Variants in CDH23 observed in about 807,000 individuals in gnomAD.
The protein encoded by CDH23 is cadherin related 23, also known as cadherin-23.
A neutral mutation model predicts 317.1 loss-of-function variants in CDH23; 189 were observed. The ratio of observed to expected loss-of-function variants is 0.60; its 90% confidence interval spans 0.53 to 0.67. CDH23 has a LOEUF of 0.67. Among genes scored for constraint, CDH23 ranks in the 30% least tolerant of loss-of-function variants. The pLI is 0.00. For synonymous variants in CDH23, 1,839 were observed against 1,876.8 expected, an observed-to-expected ratio of 0.98 and a Z score of 0.52; for missense variants, 4,401 against 4,592.4, an observed-to-expected ratio of 0.96 and a Z score of 1.20.
intron 38 of CDH23, among the ~76,000 whole-genome samples, chr10:71,775,954 C>T (rs1840808526): frequency 6.6e-6 from 1 of 152,176 alleles, no homozygotes; most frequent in Non-Finnish European, 1.5e-5. Context: ...GGCAAGAATA[C>T]AAGAGCACCA....
intron 48 of CDH23, among the ~76,000 whole-genome samples, chr10:71,794,883 T>G (rs1303937667): frequency 6.6e-6 from 1 of 152,044 alleles, no homozygotes; most frequent in African/African-American, 2.4e-5. Context: ...GATGGTGGAG[T>G]TGGGGCCATG....
intron 6 of CDH23, among the ~76,000 whole-genome samples, chr10:71,532,717 T>A (rs149952740): frequency 4.8e-5 from 2 of 41,420 alleles, no homozygotes; most frequent in Non-Finnish European, 9.2e-5. Flanking sequence ...TTTTGTTTTT[T>A]TTTTTTTTTG....
chr10:71,654,575 C>T (rs932077319), intron 14 of CDH23, among the ~76,000 whole-genome samples: 1 of 152,208 alleles, frequency 6.6e-6, no homozygotes, highest in Non-Finnish European at 1.5e-5. Flanking sequence ...GAGGCCTTCT[C>T]TTTCCTTGGG....
intron 3 of CDH23, among the ~76,000 whole-genome samples, chr10:71,474,526 G>A (rs1851686594): frequency 6.6e-6 from 1 of 152,210 alleles, no homozygotes; most frequent in South Asian, 2.1e-4. Flanking sequence ...GGAATACGGT[G>A]CTCAGAAGGT....
At chr10:71,741,541 G>A (rs1490724629) in intron 37 of CDH23, among the ~76,000 whole-genome samples, 153 bp from the exon 38 acceptor site, 1 of 152,222 alleles carries the variant, frequency 6.6e-6, no homozygotes, top group Non-Finnish European at 1.5e-5. Flanking sequence ...AATGTTCGCT[G>A]CTATCATCCT....
chr10:71,569,382 C>G (rs562787695), intron 7 of CDH23, among the ~76,000 whole-genome samples: 1 of 152,334 alleles, frequency 6.6e-6, no homozygotes, highest in African/African-American at 2.4e-5. Flanking sequence ...TCATTCAAGT[C>G]ACCCCAGACA....
At chr10:71,441,387 C>A (rs536490555) in intron 2 of CDH23, among the ~76,000 whole-genome samples, 2 of 152,262 alleles carry the variant, frequency 1.3e-5, no homozygotes, top group South Asian at 2.1e-4. Context: ...CACCCTCCTC[C>A]CCCATTCTGT....
intron 9 of CDH23, among the ~76,000 whole-genome samples, chr10:71,608,347 A>G (rs1436036177): frequency 6.6e-6 from 1 of 152,218 alleles, no homozygotes; most frequent in Admixed American, 6.5e-5. Flanking sequence ...GTCAGAGGCC[A>G]CAGTGGAGAT....
At chr10:71,799,393 C>T in intron 51 of CDH23, 99 bp from the exon 52 acceptor site, 1 of 1,603,292 alleles carries the variant, frequency 6.2e-7, no homozygotes, top group Non-Finnish European at 8.5e-7. Flanking sequence ...GTGCCCAGCC[C>T]ACGAGCAGCT....
At chr10:71,540,850 G>A (rs955829734) in intron 6 of CDH23, among the ~76,000 whole-genome samples, 1 of 151,894 alleles carries the variant, frequency 6.6e-6, no homozygotes, top group Non-Finnish European at 1.5e-5. Flanking sequence ...CTAAGACCAG[G>A]ACAAGGTCTT....
At chr10:71,740,631 G>C (rs1411838796) in intron 36 of CDH23, among the ~76,000 whole-genome samples, 191 bp from the exon 37 acceptor site, 2 of 152,228 alleles carry the variant, frequency 1.3e-5, no homozygotes, top group Non-Finnish European at 2.9e-5. Context: ...TGGGGCAGAA[G>C]GTGAAGGCTT....
At position 71,574,854 on chromosome 10, in the gene CDH23, C is replaced by G. The variant is rs538272195; in HGVS notation, c.754-3060C>G. 3.3e-5 allele frequency among the ~76,000 whole-genome samples: 5 copies of G among 152,270 alleles called. No individual in the cohort carries two copies. In the South Asian group the frequency reaches 1.0e-3, roughly 32 times the overall value. On this transcript the variant is annotated intron_variant, in intron 8 of 69. Transcript: ENST00000224721. ...CTCATCTTGGCACACGCACTGGGTG[C>G]AGAGCCCTGAGCCCTTGCCTCCTCC... is the stretch of plus-strand genomic sequence containing the variant.
chr10:71,709,220 C>T lies in CDH23; in HGVS notation c.3220+9C>T. On this transcript the variant is annotated intron_variant, in intron 27 of 69. Transcript: ENST00000224721. ...CATCCTGGAGGCCATCGGTATGCAC[C>T]AGTCCCGCACCCACCAACACAGTGA... is the stretch of plus-strand genomic sequence containing the variant. 6.2e-7 allele frequency: 1 copy of T among 1,606,190 alleles called. No individual in the cohort carries two copies. Among genetic ancestry groups the T allele is most frequent in the African/African-American group, 1.3e-5 (1 of 74,926 alleles).
At chr10:71,752,551 G>C (rs1840031340) in intron 38 of CDH23, among the ~76,000 whole-genome samples, 1 of 152,118 alleles carries the variant, frequency 6.6e-6, no homozygotes, top group South Asian at 2.1e-4. Context: ...CACCACTCTG[G>C]GACCCCTCAG....
At chr10:71,408,536 A>C (rs1300423764) in intron 1 of CDH23, among the ~76,000 whole-genome samples, 1 of 152,052 alleles carries the variant, frequency 6.6e-6, no homozygotes, top group Non-Finnish European at 1.5e-5. Context: ...TTACCATGGG[A>C]TGGCTACATC....
At chr10:71,608,884 C>G (rs1860687264) in intron 9 of CDH23, among the ~76,000 whole-genome samples, 1 of 152,198 alleles carries the variant, frequency 6.6e-6, no homozygotes, top group African/African-American at 2.4e-5. Flanking sequence ...CTTAGGCTTT[C>G]CTTTAACTCT....
chr10:71,546,766 C>T (rs1056684014), intron 6 of CDH23, among the ~76,000 whole-genome samples: 16 of 152,190 alleles, frequency 1.1e-4, no homozygotes, highest in Non-Finnish European at 2.2e-4. Flanking sequence ...ACAGGTGCAT[C>T]GCCCTTCCTG....
chr10:71,670,421 G>A (rs1002515722), intron 14 of CDH23, among the ~76,000 whole-genome samples: 5 of 152,340 alleles, frequency 3.3e-5, no homozygotes, highest in Admixed American at 3.3e-4. Context: ...AGGGAGGAAA[G>A]TGGGGCACAC....
chr10:71,431,062 T>C (rs1849346834), intron 1 of CDH23, among the ~76,000 whole-genome samples: 1 of 152,220 alleles, frequency 6.6e-6, no homozygotes, highest in South Asian at 2.1e-4. Flanking sequence ...AATGAGACCT[T>C]GAGCGTTGCC....
Sources: gnomAD v4.1 joint callset for allele counts (sites outside exome capture counted in the v4.1 genomes callset) on GRCh38, gnomAD v4.1.1 for gene constraint, MANE v1.5 for transcripts, NCBI Gene and HGNC (gene_info 2026-07-23, HGNC 2026-07-21) for gene names.